The following CHL1 variants were observed in gnomAD, a reference collection of about 807,000 sequenced individuals.
CHL1 encodes the protein cell adhesion molecule L1 like, also known as neural cell adhesion molecule L1-like protein.
In CHL1, 96 loss-of-function variants were observed where a neutral mutation model predicts 141.9. The observed-to-expected ratio is 0.68, with a 90% CI of 0.57 to 0.80. CHL1 has a LOEUF of 0.80. Ranked by LOEUF, CHL1 falls within the 30% of genes least tolerant of loss-of-function variation. The pLI is 0.00. For missense variants in CHL1, 1,820 were observed against 1,457.2 expected, an observed-to-expected ratio of 1.25 and a Z score of -4.05; for synonymous variants, 613 against 502.2, an observed-to-expected ratio of 1.22 and a Z score of -2.95.
chr3:218,962 C>A (rs367549717), intron 1 of CHL1, among the ~76,000 whole-genome samples: 2 of 151,976 alleles, frequency 1.3e-5, no homozygotes, highest in African/African-American at 4.8e-5. Context: ...CTGGCTAACA[C>A]GGTGAAACCC....
chr3:228,118 G>C (rs929376149), intron 1 of CHL1, among the ~76,000 whole-genome samples: 24 of 152,176 alleles, frequency 1.6e-4, no homozygotes, highest in African/African-American at 5.5e-4. Context: ...TGGAGTGAAA[G>C]AACCAGGACT....
chr3:260,435 T>C (rs1694611627), intron 2 of CHL1, among the ~76,000 whole-genome samples: 1 of 152,168 alleles, frequency 6.6e-6, no homozygotes, highest in African/African-American at 2.4e-5. Flanking sequence ...TATTAAGACA[T>C]AAAATTTGCT....
chr3:269,644 G>T (rs1236269472), intron 2 of CHL1, among the ~76,000 whole-genome samples: 1 of 152,158 alleles, frequency 6.6e-6, no homozygotes, highest in African/African-American at 2.4e-5. Context: ...TCCTGCCTCA[G>T]CCTCCCAAGT....
At chr3:224,052 C>G (rs1701105548) in intron 1 of CHL1, among the ~76,000 whole-genome samples, 2 of 152,112 alleles carry the variant, frequency 1.3e-5, no homozygotes, top group Non-Finnish European at 1.5e-5. Context: ...GGTTACAAAT[C>G]TTGTAACCTC....
chr3:281,098 A>G (rs956260778), intron 2 of CHL1, among the ~76,000 whole-genome samples: 7 of 152,188 alleles, frequency 4.6e-5, no homozygotes, highest in South Asian at 4.1e-4. Context: ...TCTCAAGGGT[A>G]GAGACCAGTG....
intron 1 of CHL1, among the ~76,000 whole-genome samples, chr3:206,421 G>A (rs1010534258): frequency 6.6e-6 from 1 of 151,890 alleles, no homozygotes; most frequent in Non-Finnish European, 1.5e-5. Flanking sequence ...AGCCTAGATC[G>A]CACCACTGCA....
At chr3:362,048 A>C (rs1704309213) in intron 13 of CHL1, among the ~76,000 whole-genome samples, 2 of 152,222 alleles carry the variant, frequency 1.3e-5, no homozygotes, top group Admixed American at 6.5e-5. Flanking sequence ...TTCATAAAGA[A>C]AAGCAGAGAA....
At chr3:285,158 T>C (rs572511206) in intron 2 of CHL1, among the ~76,000 whole-genome samples, 2 of 152,352 alleles carry the variant, frequency 1.3e-5, no homozygotes, top group South Asian at 4.1e-4. Context: ...CTTTCACCTT[T>C]TATGCTAGAT....
chr3:399,233 T>C (rs745926757), intron 26 of CHL1, 85 bp downstream of exon 26: 53 of 1,113,042 alleles, frequency 4.8e-5, no homozygotes, highest in Non-Finnish European at 7.0e-5. Flanking sequence ...TTTTTAAAAA[T>C]ACACATTCAA....
At chr3:324,814 T>C (rs1029316524) in intron 3 of CHL1, among the ~76,000 whole-genome samples, 1 of 151,856 alleles carries the variant, frequency 6.6e-6, no homozygotes, top group African/African-American at 2.4e-5. Context: ...GTTCTTGAAC[T>C]CCTGGGCTTA....
At chr3:264,924 A>G (rs1315418072) in intron 2 of CHL1, among the ~76,000 whole-genome samples, 1 of 152,222 alleles carries the variant, frequency 6.6e-6, no homozygotes, top group African/African-American at 2.4e-5. Context: ...TTTGAACACT[A>G]GGAAAGAACT....
At chr3:384,614 G>A (rs933833079) in intron 19 of CHL1, 3 of 152,096 alleles carry the variant, frequency 2.0e-5, no homozygotes, top group African/African-American at 4.8e-5. Context: ...CTGTAACAGT[G>A]GGGCATTTTA....
At position 354,622 on chromosome 3, in the gene CHL1, T is replaced by C; in HGVS notation, c.1034-18T>C. The C allele has an allele frequency of 1.2e-6, 2 of 1,603,516 alleles. No homozygotes were observed. The highest frequency in any genetic ancestry group is 1.7e-5 in the Admixed American group (1 of 57,336). On this transcript the variant is annotated intron_variant, in intron 10 of 27. Transcript: ENST00000256509. Reference sequence around the variant, plus strand: ...GACATAGATAACATCTCTCATGAGCTCTTCACTTTACATCCAGAGCCTCCT... The same window carrying C: ...GACATAGATAACATCTCTCATGAGCCCTTCACTTTACATCCAGAGCCTCCT...
chr3:303,587 C>G (rs774321790), intron 2 of CHL1, among the ~76,000 whole-genome samples: 1 of 152,112 alleles, frequency 6.6e-6, no homozygotes, highest in Non-Finnish European at 1.5e-5. Context: ...GATTTTGTAT[C>G]CTGAGGCTTT....
intron 6 of CHL1, 129 bp downstream of exon 6, chr3:341,045 A>T (rs1409399254): frequency 1.1e-6 from 1 of 924,398 alleles, no homozygotes; most frequent in Non-Finnish European, 1.6e-6. Flanking sequence ...TGAAGAGGAG[A>T]TGCTACTAAT....
At chr3:278,212 G>T (rs772030892) in intron 2 of CHL1, among the ~76,000 whole-genome samples, 5 of 152,166 alleles carry the variant, frequency 3.3e-5, no homozygotes, top group Non-Finnish European at 7.4e-5. Context: ...GAATTATTTT[G>T]CTTGCTGTCT....
chr3:371,182 T>C (rs746769420), intron 15 of CHL1, among the ~76,000 whole-genome samples: 1 of 152,204 alleles, frequency 6.6e-6, no homozygotes, highest in Non-Finnish European at 1.5e-5. Flanking sequence ...CTCATTGATC[T>C]GTCTAATATT....
chr3:234,851 C>G (rs1691798841), intron 1 of CHL1, among the ~76,000 whole-genome samples: 1 of 152,234 alleles, frequency 6.6e-6, no homozygotes, highest in South Asian at 2.1e-4. Flanking sequence ...AACAAAGACC[C>G]TTTGTACAAT....
At chr3:343,815 A>G (rs1048364871) in intron 8 of CHL1, among the ~76,000 whole-genome samples, 1 of 152,190 alleles carries the variant, frequency 6.6e-6, no homozygotes, top group African/African-American at 2.4e-5. Flanking sequence ...AATAACTCAC[A>G]CATATATAGT....
Sources: allele counts gnomAD v4.1 joint callset (sites outside exome capture counted in the v4.1 genomes callset), GRCh38; gene constraint gnomAD v4.1.1; transcripts MANE v1.5; gene names NCBI Gene and HGNC (gene_info 2026-07-23, HGNC 2026-07-21).